TCP11L2: variants seen among roughly 807,000 people sequenced by gnomAD.
TCP11L2 encodes t-complex 11 like 2.
A neutral mutation model predicts 50.7 loss-of-function variants in TCP11L2; 39 were observed. That is an observed-to-expected ratio of 0.77 (90% CI 0.60 to 1.01). TCP11L2 has a LOEUF of 1.01. TCP11L2 is among the 50% of genes least tolerant of loss of function. The pLI, the probability that TCP11L2 is intolerant of heterozygous loss-of-function variation, is 0.00. For missense variants in TCP11L2, 612 were observed against 614.7 expected (o/e 1.00, Z 0.05); for synonymous variants, 192 against 219.3 (o/e 0.88, Z 1.10).
intron 6 of TCP11L2, chr12:106,329,919 T>C (rs942524226): frequency 1.2e-5 from 12 of 985,586 alleles, no homozygotes; most frequent in African/African-American, 3.5e-5. Context: ...ATTCTGGGGG[T>C]GGTGTTGCTT....
chr12:106,306,067 A>G (rs1456496945), intron 1 of TCP11L2, among the ~76,000 whole-genome samples: 1 of 152,220 alleles, frequency 6.6e-6, no homozygotes, highest in Admixed American at 6.5e-5. Context: ...GCACTGTTCA[A>G]GAAGGACATC....
chr12:106,340,599 A>C (rs753422613), intron 8 of TCP11L2, among the ~76,000 whole-genome samples: 1 of 152,216 alleles, frequency 6.6e-6, no homozygotes, highest in Non-Finnish European at 1.5e-5. Context: ...ATGCTTTTCT[A>C]TTTAAACACT....
At chr12:106,326,905 T>A (rs1408591236) in intron 6 of TCP11L2, among the ~76,000 whole-genome samples, 1 of 152,206 alleles carries the variant, frequency 6.6e-6, no homozygotes, top group African/African-American at 2.4e-5. Flanking sequence ...AAGGGCTATG[T>A]TGTTTTAGCT....
chr12:106,327,955 A>G (rs117069079), intron 6 of TCP11L2, among the ~76,000 whole-genome samples: 1 of 152,226 alleles, frequency 6.6e-6, no homozygotes, highest in East Asian at 1.9e-4. Context: ...TATCTGTGAA[A>G]ATAGCAAGAG....
chr12:106,318,213 G>C, intron 3 of TCP11L2, 131 bp from the exon 4 acceptor site: 1 of 1,062,640 alleles, frequency 9.4e-7, no homozygotes, highest in Non-Finnish European at 1.3e-6. Context: ...AATATTAAAA[G>C]ATTAATGGAT....
intron 3 of TCP11L2, among the ~76,000 whole-genome samples, chr12:106,316,041 G>A (rs1351463714): frequency 6.6e-6 from 1 of 152,188 alleles, no homozygotes; most frequent in Non-Finnish European, 1.5e-5. Flanking sequence ...TGGGGATGTT[G>A]TTCATTTAAT....
upstream of TCP11L2, among the ~76,000 whole-genome samples, chr12:106,302,383 TCAGCCCCCGCTCAGCCCCCGCTCAG>T (rs1249787901): frequency 5.8e-4 from 32 of 54,830 alleles, 3 homozygotes; most frequent in Middle Eastern, 0.01. Flanking sequence ...CAGCCCCCGC[TCAGCCCCCGCTCAGCCCCCGCTCAG>T]CCCCCGCTCC....
chr12:106,306,043 GT>G (rs1386068283), intron 1 of TCP11L2, among the ~76,000 whole-genome samples: 1 of 152,162 alleles, frequency 6.6e-6, no homozygotes, highest in Non-Finnish European at 1.5e-5. Flanking sequence ...CCTATTTCCT[GT>G]TTTATTCTTT....
rs1469308055 is a variant in TCP11L2 at position 106,314,576 on chromosome 12, T to TGTGTGAGAGA, written c.293+84_293+85insTGTGAGAGAG. The TGTGTGAGAGA allele has an allele frequency of 9.5e-5, 27 of 282,746 alleles. No homozygotes were observed. In the African/African-American group the frequency reaches 1.0e-3, roughly 11 times the overall value. 17.5% of individuals were successfully genotyped at this position (282,746 alleles called of 1,614,324 possible). A position where few individuals can be genotyped will look rare whatever the true frequency, so the allele number is the denominator to read the frequency against. ...GTGTGTGTGTGTGTGTGTGTGTGTG[T>TGTGTGAGAGA]GAGAGAGAGAGAGAGAGAGAGAGAG... On this transcript the variant is annotated intron_variant, in intron 3 of 9. Coordinates refer to ENST00000299045, the MANE Select transcript of TCP11L2 (RefSeq NM_152772.3).
chr12:106,313,796 C>T (rs2034956898), intron 2 of TCP11L2, among the ~76,000 whole-genome samples: 1 of 129,692 alleles, frequency 7.7e-6, no homozygotes, highest in Non-Finnish European at 1.6e-5. Context: ...AGACGAGTCT[C>T]ACCCTGTCGT....
In TCP11L2 at chr12:106,318,352, G is replaced by A. The variant is rs142076632; in HGVS notation, c.302G>A (p.Gly101Asp). 3.5e-5 allele frequency: 56 copies of A among 1,613,052 alleles called. No individual in the cohort carries two copies. In the African/African-American group the frequency reaches 5.9e-4, roughly 17 times the overall value. Reference protein sequence around the residue: ...QEALPEKSLAGRVKHIVHQAF... With the variant: ...QEALPEKSLADRVKHIVHQAF... Reference sequence around the variant, plus strand: ...TCATTTTATTGCCATAGTTTGGCTGGTCGAGTGAAGCACATTGTTCACCAG... The same window carrying A: ...TCATTTTATTGCCATAGTTTGGCTGATCGAGTGAAGCACATTGTTCACCAG... The change falls in exon 4 of 10, where the codon GGT becomes GAT. Residue 101 changes from glycine to aspartate, a missense_variant. Physicochemically the swap from Gly to Asp is moderately conservative, Grantham distance 94. Coordinates refer to ENST00000299045, the MANE Select transcript of TCP11L2 (RefSeq NM_152772.3).
At position 106,336,168 on chromosome 12, in the gene TCP11L2, G is replaced by C. The variant is rs771688812; in HGVS notation, c.1097G>C (p.Arg366Thr). The C allele has an allele frequency of 5.0e-6, 8 of 1,612,590 alleles. No individual in the cohort carries two copies. The highest frequency in any genetic ancestry group is 5.9e-6 in the Non-Finnish European group (7 of 1,179,656). Residue 366 changes from arginine to threonine, a missense_variant, in exon 8 of 10, where the codon AGG (arginine) becomes ACG (threonine). By Grantham distance (71) the Arg-to-Thr change is moderately conservative (BLOSUM62 -1). Coordinates refer to ENST00000299045, the MANE Select transcript of TCP11L2 (RefSeq NM_152772.3). Reference sequence around the variant, plus strand: ...GGAGGCCTGCCTGAGCTTGCAAGCAGGTTAACAAGGATTTCAGCTGTTCTA... The same window carrying C: ...GGAGGCCTGCCTGAGCTTGCAAGCACGTTAACAAGGATTTCAGCTGTTCTA... ...ITGGLPELAS[R>T]LTRISAVLLE...
At chr12:106,334,530 T>C (rs2035844899) in intron 6 of TCP11L2, among the ~76,000 whole-genome samples, 1 of 152,192 alleles carries the variant, frequency 6.6e-6, no homozygotes, top group Non-Finnish European at 1.5e-5. Context: ...ACTGCCCTTA[T>C]CCATTCACTC....
At chr12:106,346,086 C>T (rs1437771952) in intron 9 of TCP11L2, among the ~76,000 whole-genome samples, 200 bp from the exon 10 acceptor site, 1 of 152,104 alleles carries the variant, frequency 6.6e-6, no homozygotes, top group Non-Finnish European at 1.5e-5. Flanking sequence ...AGGGCCAGCC[C>T]AGATGGAAAG....
chr12:106,344,766 C>G (rs1565864179), intron 9 of TCP11L2, among the ~76,000 whole-genome samples: 1 of 152,176 alleles, frequency 6.6e-6, no homozygotes, highest in Non-Finnish European at 1.5e-5. Flanking sequence ...TTGGAGCAGC[C>G]TGAGCTATAG....
chr12:106,308,741 A>T (rs2136616413), intron 1 of TCP11L2, among the ~76,000 whole-genome samples: 1 of 152,336 alleles, frequency 6.6e-6, no homozygotes, highest in Middle Eastern at 3.4e-3. Flanking sequence ...TAAGCAGTAG[A>T]TTCTCTGCTC....
Position 106,336,136 on chromosome 12 carries a change from T to C in TCP11L2, c.1065T>C (p.Ala355=). The stretch of plus-strand genomic sequence containing the variant: ...TAATTACCAACAACATGGTGGGTGC[T>C]ATTACAGGAGGCCTGCCTGAGCTTG... ...LSLITNNMVG[A]ITGGLPELAS... is the part of the protein sequence containing the mutation. Residue 355 remains alanine, a synonymous_variant, in exon 8 of 10, where the codon GCT becomes GCC. Coordinates refer to ENST00000299045, the MANE Select transcript of TCP11L2 (RefSeq NM_152772.3). The C allele has an allele frequency of 6.2e-7, 1 of 1,614,054 alleles. No homozygotes were observed. Among genetic ancestry groups the C allele is most frequent in the Non-Finnish European group, 8.5e-7 (1 of 1,179,994 alleles).
At chr12:106,298,819 G>A (rs766068219), upstream of TCP11L2, among the ~76,000 whole-genome samples, 7 of 146,802 alleles carry the variant, frequency 4.8e-5, no homozygotes, top group Admixed American at 2.0e-4. Context: ...CACCATGCCC[G>A]GCCATTTTTT....
At chr12:106,328,965 G>A (rs940704941) in intron 6 of TCP11L2, among the ~76,000 whole-genome samples, 13 of 152,094 alleles carry the variant, frequency 8.5e-5, no homozygotes, top group African/African-American at 2.7e-4. Flanking sequence ...GCCCCTGGTC[G>A]GGAAGATGGG....
Sources: gnomAD v4.1 joint callset for allele counts (sites outside exome capture counted in the v4.1 genomes callset) on GRCh38, gnomAD v4.1.1 for gene constraint, MANE v1.5 for transcripts, NCBI Gene and HGNC (gene_info 2026-07-23, HGNC 2026-07-21) for gene names.